TBX6: variants seen among roughly 807,000 people sequenced by gnomAD.
TBX6 encodes T-box transcription factor 6.
TBX6 carries 29 observed loss-of-function variants against 42.3 expected under a neutral mutation model. The ratio of observed to expected loss-of-function variants is 0.69; its 90% confidence interval spans 0.51 to 0.93. TBX6 has a LOEUF of 0.93. Among genes scored for constraint, TBX6 ranks in the 40% least tolerant of loss-of-function variants. The probability of loss-of-function intolerance (pLI) is 0.00; values close to 1 mark genes in which losing one functional copy is unlikely to be tolerated. For missense variants in TBX6, 569 were observed against 603.3 expected, an observed-to-expected ratio of 0.94 and a Z score of 0.59; for synonymous variants, 249 against 245.1, an observed-to-expected ratio of 1.02 and a Z score of -0.15.
At chr16:30,090,183 C>T (rs1169644942) in intron 3 of TBX6, among the ~76,000 whole-genome samples, 1 of 152,152 alleles carries the variant, frequency 6.6e-6, no homozygotes, top group Non-Finnish European at 1.5e-5. Context: ...CCAGAATCTG[C>T]AGCTCTTAGA....
rs955010936 is a variant in TBX6, at chr16:30,086,963, G to A, written c.840-112C>T. On this transcript the variant is annotated intron_variant, in intron 6 of 8. Transcript: ENST00000395224. This position sits in a 1 kb window ranked among gnomAD's most constrained non-coding sequence, Gnocchi z 4.6. ...CTCCCAGGGACCCTGTCAGGTAGGGGCCATCATTATACCCATTTTATAGAT... is the reference window on the plus strand; with the variant it reads ...CTCCCAGGGACCCTGTCAGGTAGGGACCATCATTATACCCATTTTATAGAT... 4.0e-6 allele frequency: 5 copies of A among 1,241,364 alleles called. No individual in the cohort carries two copies. Among genetic ancestry groups the A allele is most frequent in the Non-Finnish European group, 4.5e-6 (4 of 890,912 alleles). 76.9% of individuals were successfully genotyped at this position (1,241,364 alleles called of 1,614,324 possible).
rs532667092 is a variant in TBX6, at chr16:30,086,819, C to T, written c.872G>A (p.Arg291Gln). The T allele has an allele frequency of 1.7e-5, 27 of 1,613,748 alleles. No homozygotes were observed. Among genetic ancestry groups the T allele is most frequent in the Admixed American group, 3.3e-5 (2 of 59,996 alleles). ...CTCTGTGGCTGCTGGCTCTGGGCCC[C>T]GCAGTTTCCTCTTCACACGGGCGTC... ...ERDARVKRKL[R>Q]GPEPAATEAY... Residue 291 changes from arginine to glutamine, a missense_variant, in exon 7 of 9, where the codon CGG becomes CAG. By Grantham distance (43) the Arg-to-Gln change is conservative. Around this residue, in one of 3 missense-constraint regions of TBX6, gnomAD observed 245 missense variants for 227.4 expected, o/e 1.08. Transcript: ENST00000395224. The surrounding 1 kb of genome is among the most constrained non-coding windows in gnomAD (Gnocchi z 4.6).
At chr16:30,091,509 A>T (rs1023538528) in intron 1 of TBX6, 4 of 258,862 alleles carry the variant, frequency 1.5e-5, no homozygotes, top group African/African-American at 4.6e-5. Flanking sequence ...ACAGGGACGC[A>T]GTTTGGCGCT....
chr16:30,086,668 G>A lies in TBX6; in HGVS notation c.941C>T (p.Thr314Ile), dbSNP rs1351642608. Reference sequence around the variant, plus strand: ...TGATTCACGAATGTCTCCACCCAGGGTGGAGTCGCAGGGACCACCTGGTGT... The same window carrying A: ...TGATTCACGAATGTCTCCACCCAGGATGGAGTCGCAGGGACCACCTGGTGT... ...GDTPGGPCDS[T>I]LGGDIRESDP... Residue 314 changes from threonine (T) to isoleucine (I), a missense_variant, in exon 8 of 9, where the codon ACC becomes ATC. By Grantham distance (89) the Thr-to-Ile change is moderately conservative (BLOSUM62 -1). Around this residue, in one of 3 missense-constraint regions of TBX6, gnomAD observed 245 missense variants for 227.4 expected, o/e 1.08. Coordinates refer to ENST00000395224, the MANE Select transcript of TBX6 (RefSeq NM_004608.4). The surrounding 1 kb of genome is among the most constrained non-coding windows in gnomAD (Gnocchi z 4.6). 5.6e-6 allele frequency: 9 copies of A among 1,611,176 alleles called. No individual in the cohort carries two copies. Among genetic ancestry groups the A allele is most frequent in the Admixed American group, 3.4e-5 (2 of 59,100 alleles).
At chr16:30,090,691 C>CA in intron 3 of TBX6, 67 bp downstream of exon 3, 1 of 1,492,588 alleles carries the variant, frequency 6.7e-7, no homozygotes, top group South Asian at 1.3e-5. Context: ...TCCTAGCCCC[C>CA]TCCCCAGGGA....
chr16:30,089,932 CAAAAAAAAA>C (rs34629735), intron 3 of TBX6, among the ~76,000 whole-genome samples: 1 of 97,500 alleles, frequency 1.0e-5, no homozygotes, highest in Non-Finnish European at 2.0e-5. Flanking sequence ...GACTCCATCT[CAAAAAAAAA>C]AAAAAAAAAA....
At position 30,090,929 on chromosome 16, in the gene TBX6, GC is replaced by G; in HGVS notation, c.181del (p.Ala61ProfsTer33). On this transcript the variant is annotated frameshift_variant, in exon 3 of 9. Transcript: ENST00000395224. LOFTEE classifies it high-confidence loss of function. ...CAGAAGGGGCAGAGGTGGGTGCGCG[GC>G]CAGGGTGCGGGGAGCAGCCTCCATC... is the stretch of plus-strand genomic sequence containing the variant. ...SGMEAAPRTL[A>X]AHPPLPLLPP... 1 of 1,612,984 alleles carries G rather than the reference GC, an allele frequency of 6.2e-7. No individual in the cohort carries two copies. Among genetic ancestry groups the G allele is most frequent in the East Asian group, 2.2e-5 (1 of 44,880 alleles).
In TBX6 at chr16:30,090,844, C is replaced by A; in HGVS notation, c.267G>T (p.Pro89=). 1 of 1,604,816 alleles carries A rather than the reference C, an allele frequency of 6.2e-7. No individual in the cohort carries two copies. The highest frequency in any genetic ancestry group is 8.5e-7 in the Non-Finnish European group (1 of 1,174,688). Reference sequence around the variant, plus strand: ...GGTTCTCCAGGCTCAGGCTGACCCCCGGGAGGGAATGGAGGGCCTCTGGAG... The same window carrying A: ...GGTTCTCCAGGCTCAGGCTGACCCCAGGGAGGGAATGGAGGGCCTCTGGAG... ...PSAPEALHSL[P]GVSLSLENRE... is the part of the protein sequence containing the mutation. Residue 89 remains proline (P), a synonymous_variant, in exon 3 of 9, where the codon CCG becomes CCT. Coordinates refer to ENST00000395224, the MANE Select transcript of TBX6 (RefSeq NM_004608.4).
Position 30,086,667 on chromosome 16 carries a change from G to C in TBX6, c.942C>G (p.Thr314=). The change falls in exon 8 of 9, where the codon ACC becomes ACG. Residue 314 remains threonine (T), a synonymous_variant. Transcript: ENST00000395224. The surrounding 1 kb of genome is among the most constrained non-coding windows in gnomAD (Gnocchi z 4.6). ...CTGATTCACGAATGTCTCCACCCAGGGTGGAGTCGCAGGGACCACCTGGTG... is the reference window on the plus strand; with the variant it reads ...CTGATTCACGAATGTCTCCACCCAGCGTGGAGTCGCAGGGACCACCTGGTG... ...GDTPGGPCDS[T]LGGDIRESDP... 1 of 1,611,210 alleles carries C rather than the reference G, an allele frequency of 6.2e-7. No individual in the cohort carries two copies. The highest frequency in any genetic ancestry group is 8.5e-7 in the Non-Finnish European group (1 of 1,178,918).
At chr16:30,091,347 TG>T in intron 1 of TBX6, 106 bp from the exon 2 acceptor site, 1 of 661,134 alleles carries the variant, frequency 1.5e-6, no homozygotes, top group Non-Finnish European at 2.5e-6. Context: ...TGGAGACCCC[TG>T]GGGCCTCGAA....
At position 30,086,553 on chromosome 16, in the gene TBX6, G is replaced by A; in HGVS notation, c.1056C>T (p.His352=). 6.5e-7 allele frequency: 1 copy of A among 1,533,282 alleles called. No individual in the cohort carries two copies. Among genetic ancestry groups the A allele is most frequent in the Non-Finnish European group, 8.7e-7 (1 of 1,144,336 alleles). The allele number at this position is 1,533,282 out of a possible 1,614,324, so 95.0% of individuals were successfully genotyped here. A position where few individuals can be genotyped will look rare whatever the true frequency, so the allele number is the denominator to read the frequency against. Residue 352 remains histidine (H), a synonymous_variant, in exon 8 of 9, where the codon CAC becomes CAT. Transcript: ENST00000395224. The surrounding 1 kb of genome is among the most constrained non-coding windows in gnomAD (Gnocchi z 4.6). ...TGGGGGCCCCATGGAAAGCCGCAGG[G>A]TGCAGGAGGTAGGCCTCAGCACTGG... ...GGPSAEAYLL[H]PAAFHGAPSH... is the part of the protein sequence containing the mutation.
At chr16:30,089,270 G>A (rs1266408248) in intron 3 of TBX6, 60 bp from the exon 4 acceptor site, 3 of 1,564,466 alleles carry the variant, frequency 1.9e-6, no homozygotes, top group Non-Finnish European at 2.6e-6. Flanking sequence ...GGTGGGCCCA[G>A]CACCAGTAAC....
Position 30,086,309 on chromosome 16 carries a change from C to G in TBX6, c.1227G>C (p.Pro409=), listed in dbSNP as rs2289292. The G allele has an allele frequency of 5.0e-6, 8 of 1,610,424 alleles. No individual in the cohort carries two copies. Among genetic ancestry groups the G allele is most frequent in the East Asian group, 2.2e-5 (1 of 44,788 alleles). ...PAAPPAVPFA[P]HFLQGGPFPL... is the part of the protein sequence containing the mutation. ...GGAAGGGGCCCCCTTGGAGAAAGTG[C>G]GGGGCAAAGGGTACCGCCGGTGGAG... Residue 409 remains proline, a synonymous_variant, in exon 9 of 9, where the codon CCG becomes CCC. Coordinates refer to ENST00000395224, the MANE Select transcript of TBX6 (RefSeq NM_004608.4). This position sits in a 1 kb window ranked among gnomAD's most constrained non-coding sequence, Gnocchi z 4.6.
In TBX6 at chr16:30,088,621, GAC is replaced by G; in HGVS notation, c.769-8_769-7del. 1 of 1,614,176 alleles carries G rather than the reference GAC, an allele frequency of 6.2e-7. No individual in the cohort carries two copies. Among genetic ancestry groups the G allele is most frequent in the Non-Finnish European group, 8.5e-7 (1 of 1,180,032 alleles). On this transcript the variant is annotated splice_region_variant and splice_polypyrimidine_tract_variant and intron_variant, in intron 5 of 8. Transcript: ENST00000395224. The surrounding 1 kb of genome is among the most constrained non-coding windows in gnomAD (Gnocchi z 4.1). ...GCAATCTTCAGTTGTGTGATCTGGG[GAC>G]ACACATGCAGGGTCAAAGCAACTGC...
chr16:30,088,757 C>A lies in TBX6; in HGVS notation c.704G>T (p.Gly235Val). Reference sequence around the variant, plus strand: ...CTCGGGGAAGCGGAAGGAGGCCATGCCCCCCCAGTGCTGGCTGCAGAGCTG... The same window carrying A: ...CTCGGGGAAGCGGAAGGAGGCCATGACCCCCCAGTGCTGGCTGCAGAGCTG... Reference protein sequence around the residue: ...AAQLCSQHWGGMASFRFPETT... With the variant: ...AAQLCSQHWGVMASFRFPETT... Residue 235 changes from glycine to valine, a missense_variant, in exon 5 of 9, where the codon GGC (glycine) becomes GTC (valine). By Grantham distance (109) the Gly-to-Val change is moderately radical (BLOSUM62 -3). Coordinates refer to ENST00000395224, the MANE Select transcript of TBX6 (RefSeq NM_004608.4). The surrounding 1 kb of genome is among the most constrained non-coding windows in gnomAD (Gnocchi z 4.1). 1.2e-6 allele frequency: 2 copies of A among 1,613,904 alleles called. No individual in the cohort carries two copies. Among genetic ancestry groups the A allele is most frequent in the Non-Finnish European group, 1.7e-6 (2 of 1,179,894 alleles).
chr16:30,085,883 G>C lies in TBX6; in HGVS notation c.*342C>G, dbSNP rs918165603. 7.9e-5 allele frequency: 27 copies of C among 340,930 alleles called. No individual in the cohort carries two copies. Among genetic ancestry groups the C allele is most frequent in the East Asian group, 6.4e-4 (7 of 10,980 alleles). The allele number at this position is 340,930 out of a possible 1,614,324, so 21.1% of individuals were successfully genotyped here. ...TGGTGTGGCCTGCACCAGTGTGTGTGGGGGGGTGGGGATTGAGCCCCTCCA... is the reference window on the plus strand; with the variant it reads ...TGGTGTGGCCTGCACCAGTGTGTGTCGGGGGGTGGGGATTGAGCCCCTCCA... On this transcript the variant is annotated 3_prime_UTR_variant, in exon 9 of 9. Coordinates refer to ENST00000395224, the MANE Select transcript of TBX6 (RefSeq NM_004608.4).
chr16:30,089,137 C>G lies in TBX6; in HGVS notation c.427G>C (p.Val143Leu). The change falls in exon 4 of 9, where the codon GTG becomes CTG. Residue 143 changes from valine to leucine, a missense_variant. Physicochemically the swap from Val to Leu is conservative, Grantham distance 32. This residue lies in a region of TBX6 where 190 missense variants were observed against 250.6 expected (regional missense o/e 0.76). Coordinates refer to ENST00000395224, the MANE Select transcript of TBX6 (RefSeq NM_004608.4). ...PEARYLFLLD[V>L]IPVDGARYRW... ...TAGCGAGCCCCATCCACCGGAATCA[C>G]ATCCAGAAGAAACAAGTAGCGGGCC... 3 of 1,614,136 alleles carry G rather than the reference C, an allele frequency of 1.9e-6. No individual in the cohort carries two copies. In the South Asian group the frequency reaches 3.3e-5, roughly 18 times the overall value.
chr16:30,086,444 A>T lies in TBX6; in HGVS notation c.1098-6T>A. ...CCTCCGGGAAGCTGGGGCTCCTGAC[A>T]TGGAGAGAGGGATGTCAGAGCAGGG... On this transcript the variant is annotated splice_polypyrimidine_tract_variant and splice_region_variant and intron_variant, in intron 8 of 8. Coordinates refer to ENST00000395224, the MANE Select transcript of TBX6 (RefSeq NM_004608.4). The surrounding 1 kb of genome is among the most constrained non-coding windows in gnomAD (Gnocchi z 4.6). The T allele has an allele frequency of 6.6e-7, 1 of 1,506,460 alleles. No individual in the cohort carries two copies. The highest frequency in any genetic ancestry group is 8.8e-7 in the Non-Finnish European group (1 of 1,132,096). 93.3% of individuals were successfully genotyped at this position (1,506,460 alleles called of 1,614,324 possible).
chr16:30,089,003 C>T lies in TBX6; in HGVS notation c.561G>A (p.Arg187=), dbSNP rs767934138. Residue 187 remains arginine (R), a synonymous_variant, in exon 4 of 9, where the codon CGG becomes CGA. Transcript: ENST00000395224. ...DSPATGAHWM[R]QPVSFHRVKL... ...TGACACGATGGAAAGACACAGGCTG[C>T]CGCATCCAATGTGCACCAGTGGCAG... The T allele has an allele frequency of 6.2e-7, 1 of 1,613,682 alleles. No homozygotes were observed. Among genetic ancestry groups the T allele is most frequent in the East Asian group, 2.2e-5 (1 of 44,872 alleles).
Sources: allele counts gnomAD v4.1 joint callset (sites outside exome capture counted in the v4.1 genomes callset), GRCh38; gene constraint gnomAD v4.1.1; regional missense constraint gnomAD v4.1.1; non-coding constraint Gnocchi (gnomAD v3.1); transcripts MANE v1.5; gene names NCBI Gene and HGNC (gene_info 2026-07-23, HGNC 2026-07-21).